RUNX3: variants seen among roughly 807,000 people sequenced by gnomAD.
RUNX3 encodes RUNX family transcription factor 3, also known as runt-related transcription factor 3.
Under a neutral mutation model 27.7 loss-of-function variants are expected in RUNX3, and 10 were observed. That is an observed-to-expected ratio of 0.36 (90% CI 0.22 to 0.61). RUNX3 has a LOEUF of 0.61. RUNX3 is among the 20% of genes least tolerant of loss of function. RUNX3 has a pLI of 0.72. For synonymous variants in RUNX3, 270 were observed against 269.2 expected (o/e 1.00, Z -0.03); for missense variants, 469 against 629.5 (o/e 0.75, Z 2.73).
Position 24,927,634 on chromosome 1 carries a change from C to A in RUNX3, c.379G>T (p.Val127Phe). 6.2e-7 allele frequency: 1 copy of A among 1,614,146 alleles called. No individual in the cohort carries two copies. Among genetic ancestry groups the A allele is most frequent in the Non-Finnish European group, 8.5e-7 (1 of 1,180,036 alleles). Residue 127 changes from valine (V) to phenylalanine (F), a missense_variant, in exon 2 of 5, where the codon GTC (valine) becomes TTC (phenylalanine). Around this residue, in one of 3 missense-constraint regions of RUNX3, gnomAD observed 75 missense variants for 168.5 expected, o/e 0.45. Coordinates refer to ENST00000308873, the MANE Select transcript of RUNX3 (RefSeq NM_004350.3). This position sits in a 1 kb window ranked among gnomAD's most constrained non-coding sequence, Gnocchi z 5.0. ...YSAELRNASA[V>F]MKNQVARFND... The stretch of plus-strand genomic sequence containing the variant: ...AACCTGGCCACCTGGTTCTTCATGA[C>A]GGCCGAGGCATTGCGCAGCTCAGCG...
chr1:24,953,086 G>T (rs1424493576), intron 2 of RUNX3, among the ~76,000 whole-genome samples: 1 of 152,070 alleles, frequency 6.6e-6, no homozygotes, highest in Non-Finnish European at 1.5e-5. Flanking sequence ...TGAAAAAAAG[G>T]CAGGGCGCGG....
intron 2 of RUNX3, among the ~76,000 whole-genome samples, chr1:24,964,160 G>A (rs1183159877): frequency 6.6e-6 from 1 of 152,242 alleles, no homozygotes; most frequent in Non-Finnish European, 1.5e-5. Context: ...AGGCAGGACA[G>A]GGGCTGGGGC....
At chr1:24,934,425 G>A (rs1360840559), upstream of RUNX3, among the ~76,000 whole-genome samples, 4 of 152,192 alleles carry the variant, frequency 2.6e-5, no homozygotes, top group Non-Finnish European at 5.9e-5. Flanking sequence ...AGGAGCAAGG[G>A]AGAGCAGGGT....
intron 2 of RUNX3, among the ~76,000 whole-genome samples, chr1:24,922,264 T>C (rs1224636601): frequency 1.3e-5 from 2 of 150,804 alleles, no homozygotes; most frequent in Non-Finnish European, 3.0e-5. Context: ...CAAGTGATCC[T>C]CCTGCCTTGG....
Position 24,929,132 on chromosome 1 carries a change from G to A in RUNX3, c.282+455C>T, listed in dbSNP as rs1341227347. 6 of 462,896 alleles carry A rather than the reference G, an allele frequency of 1.3e-5. No individual in the cohort carries two copies. The Admixed American group carries it at 1.4e-4, about 11-fold the overall frequency. The allele number at this position is 462,896 out of a possible 1,614,324, so 28.7% of individuals were successfully genotyped here. On this transcript the variant is annotated intron_variant, in intron 1 of 4. Coordinates refer to ENST00000308873, the MANE Select transcript of RUNX3 (RefSeq NM_004350.3). ...GTCCGGTAAAATTTCGGAAGCCCGAGGGTGTGAGCAGGAAGCTTTTGCGAA... is the reference window on the plus strand; with the variant it reads ...GTCCGGTAAAATTTCGGAAGCCCGAAGGTGTGAGCAGGAAGCTTTTGCGAA...
At chr1:24,919,033 C>T (rs192551569) in intron 3 of RUNX3, among the ~76,000 whole-genome samples, 42 of 152,380 alleles carry the variant, frequency 2.8e-4, no homozygotes, top group South Asian at 1.2e-3. Context: ...GTCATCTCCA[C>T]TCCCAGCCTC....
At chr1:24,905,852 A>G (rs909769100) in intron 4 of RUNX3, among the ~76,000 whole-genome samples, 3 of 152,240 alleles carry the variant, frequency 2.0e-5, no homozygotes, top group African/African-American at 7.2e-5. Context: ...GCTACGCGGC[A>G]GGGGTGGGCG....
intron 2 of RUNX3, among the ~76,000 whole-genome samples, chr1:24,958,770 A>T (rs1297914011): frequency 6.6e-6 from 1 of 152,204 alleles, no homozygotes; most frequent in Non-Finnish European, 1.5e-5. Context: ...ACTGAAGCTC[A>T]GGAGGACAGG....
At chr1:24,919,557 A>C in intron 2 of RUNX3, 2 of 467,580 alleles carry the variant, frequency 4.3e-6, no homozygotes, top group Non-Finnish European at 7.6e-6. Context: ...CAACTTTGTC[A>C]ACCCCCCGCC....
chr1:24,929,118 T>C (rs762793730), intron 1 of RUNX3: 2 of 460,432 alleles, frequency 4.3e-6, no homozygotes, highest in Non-Finnish European at 8.7e-6. Context: ...TCCGGTAAAA[T>C]TTCGGAAGCC....
rs1057268341 is a variant in RUNX3, at chr1:24,964,749, C to T, written c.-97-81G>A. The stretch of plus-strand genomic sequence containing the variant: ...GTCTCTTTTTTCCCCCCTGCTGCTA[C>T]GAAAAAGAAAAAAGGAAAGAACGCG... On this transcript the variant is annotated intron_variant, in intron 1 of 6. Transcript: ENST00000338888. 3.6e-5 allele frequency: 51 copies of T among 1,420,480 alleles called. No homozygotes were observed. In the African/African-American group the frequency reaches 5.0e-4, roughly 14 times the overall value. The allele number at this position is 1,420,480 out of a possible 1,614,324, so 88.0% of individuals were successfully genotyped here. A position where few individuals can be genotyped will look rare whatever the true frequency, so the allele number is the denominator to read the frequency against.
chr1:24,919,764 C>T (rs368468264), intron 2 of RUNX3, among the ~76,000 whole-genome samples: 25 of 150,396 alleles, frequency 1.7e-4, no homozygotes, highest in Middle Eastern at 3.4e-3. Flanking sequence ...CCCCCCCCCA[C>T]GGTTCCACTA....
intron 2 of RUNX3, among the ~76,000 whole-genome samples, chr1:24,942,221 A>G (rs940532699): frequency 8.5e-5 from 13 of 152,192 alleles, no homozygotes; most frequent in Non-Finnish European, 4.4e-5. Flanking sequence ...AGAAACAGAC[A>G]GAGGAAAAGG....
chr1:24,964,975 G>A (rs1440670513), exon 1 of RUNX3: 1 of 270,800 alleles, frequency 3.7e-6, no homozygotes. Flanking sequence ...ACAGAGCAGA[G>A]TGGGCCGCCT....
Position 24,928,368 on chromosome 1 carries a change from G to A in RUNX3, c.283-638C>T, listed in dbSNP as rs368377898. Among the ~76,000 whole-genome samples the A allele has an allele frequency of 2.2e-3, 341 of 152,290 alleles. 1 individual carries two copies. The highest frequency in any genetic ancestry group is 8.0e-3 in the African/African-American group (331 of 41,554). ...TTGATAATGGAAGGATGCACCTGCC[G>A]GGAATTGCAGGATGGGGGTGGCGAT... On this transcript the variant is annotated intron_variant, in intron 1 of 4. Transcript: ENST00000308873.
Position 24,902,933 on chromosome 1 carries a change from G to T in RUNX3, c.704-267C>A, listed in dbSNP as rs916875680. 6.6e-6 allele frequency among the ~76,000 whole-genome samples: 1 copy of T among 152,194 alleles called. No individual in the cohort carries two copies. Among genetic ancestry groups the T allele is most frequent in the South Asian group, 2.1e-4 (1 of 4,836 alleles). On this transcript the variant is annotated intron_variant, in intron 4 of 4. Transcript: ENST00000308873. This position sits in a 1 kb window ranked among gnomAD's most constrained non-coding sequence, Gnocchi z 9.2. ...CAGCAGCAACAGAACAGAGGAGGGG[G>T]TCTATTCTTCTTTTTAAATCCTCCT...
chr1:24,951,464 C>T (rs1328170859), intron 2 of RUNX3, among the ~76,000 whole-genome samples: 1 of 152,192 alleles, frequency 6.6e-6, no homozygotes. Context: ...TCTTGTTCCA[C>T]AAATGATTAC....
chr1:24,938,383 GATT>G (rs1445028457), intron 2 of RUNX3, among the ~76,000 whole-genome samples: 1 of 152,192 alleles, frequency 6.6e-6, no homozygotes, highest in African/African-American at 2.4e-5. Flanking sequence ...AAGGATCAGA[GATT>G]TGCCCACCGT....
intron 1 of RUNX3, chr1:24,928,789 T>TGGGAGAGTG: frequency 6.7e-6 from 2 of 299,280 alleles, no homozygotes; most frequent in South Asian, 5.2e-5. Context: ...GTCGTCTTAA[T>TGGGAGAGTG]GGGAGCAGGG....
Sources: gnomAD v4.1 joint callset for allele counts (sites outside exome capture counted in the v4.1 genomes callset) on GRCh38, gnomAD v4.1.1 for gene constraint, gnomAD v4.1.1 regional missense constraint, Gnocchi (gnomAD v3.1) non-coding constraint, MANE v1.5 for transcripts, NCBI Gene and HGNC (gene_info 2026-07-23, HGNC 2026-07-21) for gene names.